Variants in OTOG observed in about 807,000 individuals in gnomAD.
OTOG encodes the protein otogelin.
OTOG carries 296 observed loss-of-function variants against 313.8 expected under a neutral mutation model. The observed-to-expected ratio is 0.94, with a 90% CI of 0.86 to 1.04. The LOEUF (loss-of-function observed/expected upper bound fraction) is 1.04. Among genes scored for constraint, OTOG ranks in the 50% least tolerant of loss-of-function variants. The pLI is 0.00. For synonymous variants in OTOG, 1,533 were observed against 1,554.9 expected, an observed-to-expected ratio of 0.99 and a Z score of 0.33; for missense variants, 3,948 against 3,840.1, an observed-to-expected ratio of 1.03 and a Z score of -0.74.
intron 11 of OTOG, 106 bp from the exon 12 acceptor site, chr11:17,559,428 A>T (rs1270987358): frequency 1.4e-6 from 2 of 1,440,434 alleles, no homozygotes; most frequent in African/African-American, 1.4e-5. Context: ...AAATCATGAA[A>T]ATCAAAGCCC....
chr11:17,610,858 C>T lies in OTOG; in HGVS notation c.5558C>T (p.Pro1853Leu). ...QTLSPVLPFT[P>L]AAMTQAHPPT... Reference sequence around the variant, plus strand: ...CTTAGCCCAGTACTGCCTTTCACTCCAGCAGCAATGACCCAGGCGCACCCA... The same window carrying T: ...CTTAGCCCAGTACTGCCTTTCACTCTAGCAGCAATGACCCAGGCGCACCCA... Residue 1853 changes from proline to leucine, a missense_variant, in exon 36 of 56, where the codon CCA becomes CTA. Coordinates refer to ENST00000399397, the MANE Select transcript of OTOG (RefSeq NM_001292063.2). 6.4e-7 allele frequency: 1 copy of T among 1,550,936 alleles called. No individual in the cohort carries two copies. Among genetic ancestry groups the T allele is most frequent in the South Asian group, 1.2e-5 (1 of 84,058 alleles).
At chr11:17,585,552 T>A (rs1852772574) in intron 23 of OTOG, among the ~76,000 whole-genome samples, 1 of 152,240 alleles carries the variant, frequency 6.6e-6, no homozygotes, top group Admixed American at 6.5e-5. Context: ...TACTTTGGAT[T>A]TAGTTTGCTC....
chr11:17,574,811 G>A lies in OTOG; in HGVS notation c.2385G>A (p.Gly795=). The A allele has an allele frequency of 6.4e-7, 1 of 1,550,554 alleles. No homozygotes were observed. The highest frequency in any genetic ancestry group is 8.7e-7 in the Non-Finnish European group (1 of 1,146,926). ...ACCTGGCCAGCCCTGAGGCCTGTGG[G>A]GTTGATGGTGGCGATGACCTGAGCA... ...CQDLASPEAC[G]VDGGDDLSRD... The change falls in exon 20 of 56, where the codon GGG becomes GGA. Residue 795 remains glycine, a synonymous_variant. Transcript: ENST00000399397.
chr11:17,608,501 A>G, intron 34 of OTOG, 88 bp downstream of exon 34: 1 of 904,706 alleles, frequency 1.1e-6, no homozygotes, highest in East Asian at 3.0e-5. Flanking sequence ...TGAGTGTTTC[A>G]TATGTTGAGT....
intron 35 of OTOG, 112 bp from the exon 36 acceptor site, chr11:17,609,543 A>G (rs1324844895): frequency 2.0e-6 from 2 of 1,001,236 alleles, no homozygotes; most frequent in Non-Finnish European, 2.9e-6. Context: ...AGCTGCCCTC[A>G]CCCCATCACC....
intron 54 of OTOG, among the ~76,000 whole-genome samples, chr11:17,644,864 G>A (rs958685686): frequency 1.3e-5 from 2 of 152,144 alleles, no homozygotes; most frequent in Non-Finnish European, 2.9e-5. Flanking sequence ...CTGAGTAGAG[G>A]CAGTGAGTTG....
chr11:17,617,019 C>T (rs1000792114), intron 39 of OTOG, among the ~76,000 whole-genome samples: 3 of 152,148 alleles, frequency 2.0e-5, no homozygotes, highest in Non-Finnish European at 4.4e-5. Flanking sequence ...AGGTTAAGAA[C>T]ATTTTCTTTT....
Position 17,612,773 on chromosome 11 carries a change from C to G in OTOG, c.6438+8C>G. ...TGCAAAAGTGCCAACCTGGTGCCTG[C>G]CCCATACCTCCCTCCCTGCTGGGGA... On this transcript the variant is annotated splice_region_variant and intron_variant, in intron 38 of 55. Transcript: ENST00000399397. 1 of 1,549,344 alleles carries G rather than the reference C, an allele frequency of 6.5e-7. No individual in the cohort carries two copies. The highest frequency in any genetic ancestry group is 1.2e-5 in the South Asian group (1 of 83,852).
rs769161471 is a variant in OTOG at position 17,609,134 on chromosome 11, G to T, written c.4279G>T (p.Glu1427Ter). 5.2e-6 allele frequency: 8 copies of T among 1,550,492 alleles called. No individual in the cohort carries two copies. Among genetic ancestry groups the T allele is most frequent in the Non-Finnish European group, 7.0e-6 (8 of 1,146,856 alleles). Residue 1427 changes from glutamate (E) to a stop codon, truncating the protein, a stop_gained, in exon 35 of 56, where the codon GAA (glutamate) becomes TAA (stop). Transcript: ENST00000399397. LOFTEE classifies it high-confidence loss of function. ...AASCRDVPRV[E>*]GCVPVCPTPQ... Reference sequence around the variant, plus strand: ...TGCTCCCTGCTCTGTCCTCAGGGTAGAAGGCTGTGTCCCTGTGTGCCCCAC... The same window carrying T: ...TGCTCCCTGCTCTGTCCTCAGGGTATAAGGCTGTGTCCCTGTGTGCCCCAC...
At chr11:17,560,465 C>T (rs533594613) in intron 12 of OTOG, among the ~76,000 whole-genome samples, 6 of 152,164 alleles carry the variant, frequency 3.9e-5, no homozygotes, top group East Asian at 3.9e-4. Context: ...AGGAGAAGCT[C>T]GTGTGCAGGT....
chr11:17,561,848 T>A (rs1852193532), intron 15 of OTOG, 41 bp downstream of exon 15: 2 of 1,547,776 alleles, frequency 1.3e-6, no homozygotes, highest in African/African-American at 2.7e-5. Flanking sequence ...ACCCAGCTAC[T>A]CCTGCCTACT....
chr11:17,600,377 A>G (rs910964399), intron 31 of OTOG, among the ~76,000 whole-genome samples: 1 of 152,170 alleles, frequency 6.6e-6, no homozygotes, highest in Non-Finnish European at 1.5e-5. Flanking sequence ...GTAGAGTGAG[A>G]TGCTCATCTG....
At chr11:17,612,109 G>T in intron 36 of OTOG, 53 bp from the exon 37 acceptor site, 1 of 1,539,280 alleles carries the variant, frequency 6.5e-7, no homozygotes. Flanking sequence ...CAGCTTGCAG[G>T]GTGGGCTGTA....
At chr11:17,630,820 A>G (rs1156760639) in intron 40 of OTOG, among the ~76,000 whole-genome samples, 1 of 152,194 alleles carries the variant, frequency 6.6e-6, no homozygotes, top group Non-Finnish European at 1.5e-5. Flanking sequence ...GTGTGTCTGG[A>G]GCATATAGAT....
chr11:17,572,284 C>A, intron 18 of OTOG, 80 bp downstream of exon 18: 1 of 1,516,524 alleles, frequency 6.6e-7, no homozygotes, highest in South Asian at 1.3e-5. Flanking sequence ...AAGGGAACTC[C>A]GGGCAGGAGA....
In OTOG at chr11:17,612,560, T is replaced by C. The variant is rs955229700; in HGVS notation, c.6293-60T>C. 113 of 1,502,898 alleles carry C rather than the reference T, an allele frequency of 7.5e-5. No individual in the cohort carries two copies. In the South Asian group the frequency reaches 1.2e-3, roughly 16 times the overall value. The allele number at this position is 1,502,898 out of a possible 1,614,324, so 93.1% of individuals were successfully genotyped here. Reference sequence around the variant, plus strand: ...GGGCCAGGAACCTGCCCCATCTTCCTAGGCGGCCTTGGTCTTGGAGGCATC... The same window carrying C: ...GGGCCAGGAACCTGCCCCATCTTCCCAGGCGGCCTTGGTCTTGGAGGCATC... On this transcript the variant is annotated intron_variant, in intron 37 of 55. Transcript: ENST00000399397.
intron 32 of OTOG, 150 bp from the exon 33 acceptor site, chr11:17,605,707 G>C: frequency 1.2e-6 from 1 of 830,882 alleles, no homozygotes; most frequent in Non-Finnish European, 1.8e-6. Flanking sequence ...GAGTAGGTGG[G>C]CTGGGGGCTG....
chr11:17,590,237 T>C (rs184252455), intron 24 of OTOG, among the ~76,000 whole-genome samples: 1 of 152,254 alleles, frequency 6.6e-6, no homozygotes, highest in East Asian at 1.9e-4. Flanking sequence ...GGTCTCAAAT[T>C]CAACATGTCC....
chr11:17,547,385 G>A lies in OTOG; in HGVS notation c.13G>A (p.Ala5Thr), dbSNP rs533327958. Residue 5 changes from alanine (A) to threonine (T), a missense_variant, in exon 1 of 56, where the codon GCG becomes ACG. Ala to Thr is a moderately conservative substitution (Grantham distance 58). Transcript: ENST00000399397. ...CCCTCGTGTCCCTATGGGAGTCCTGGCGTCTGCGCTCTGCTGGCTGCTTTG... is the reference window on the plus strand; with the variant it reads ...CCCTCGTGTCCCTATGGGAGTCCTGACGTCTGCGCTCTGCTGGCTGCTTTG... The part of the protein sequence containing the change: MGVL[A>T]SALCWLLCVW... The A allele has an allele frequency of 3.4e-5, 48 of 1,411,788 alleles. 1 individual carries two copies. The South Asian group carries it at 6.4e-4, about 19-fold the overall frequency. 87.5% of individuals were successfully genotyped at this position (1,411,788 alleles called of 1,614,324 possible). A position where few individuals can be genotyped will look rare whatever the true frequency, so the allele number is the denominator to read the frequency against.
Sources: allele counts gnomAD v4.1 joint callset (sites outside exome capture counted in the v4.1 genomes callset), GRCh38; gene constraint gnomAD v4.1.1; transcripts MANE v1.5; gene names NCBI Gene and HGNC (gene_info 2026-07-23, HGNC 2026-07-21).